The following PCDHGA11 variants were observed in gnomAD, a reference collection of about 807,000 sequenced individuals.
PCDHGA11 encodes protocadherin gamma-A11.
A neutral mutation model predicts 60.4 loss-of-function variants in PCDHGA11; 39 were observed. The ratio of observed to expected loss-of-function variants is 0.65; its 90% CI spans 0.50 to 0.84. The LOEUF (loss-of-function observed/expected upper bound fraction) is 0.84, where lower values mean the gene tolerates loss of function less well. PCDHGA11 is among the 40% of genes least tolerant of loss of function. The pLI, the probability that PCDHGA11 is intolerant of heterozygous loss-of-function variation, is 0.00. For synonymous variants in PCDHGA11, 533 were observed against 510.3 expected (o/e 1.04, Z -0.60); for missense variants, 1,165 against 1,197.7 (o/e 0.97, Z 0.40).
chr5:141,460,741 A>C (rs1378900827), intron 1 of PCDHGA11, among the ~76,000 whole-genome samples: 1 of 152,128 alleles, frequency 6.6e-6, no homozygotes, highest in African/African-American at 2.4e-5. Flanking sequence ...CACATTGTAT[A>C]TATATGTGTA....
At chr5:141,430,573 A>T (rs938248057) in intron 1 of PCDHGA11, 2 of 449,056 alleles carry the variant, frequency 4.5e-6, no homozygotes, top group Non-Finnish European at 7.6e-6. Flanking sequence ...AGAAAAGCGG[A>T]GATCCTGCTC....
chr5:141,475,547 G>A (rs2099364977), intron 1 of PCDHGA11, among the ~76,000 whole-genome samples: 1 of 152,176 alleles, frequency 6.6e-6, no homozygotes, highest in Non-Finnish European at 1.5e-5. Context: ...AGTAGGGTCC[G>A]GCTAATTGTC....
Position 141,505,409 on chromosome 5 carries a change from G to T in PCDHGA11, c.2509G>T (p.Asp837Tyr). The change falls in exon 3 of 4, where the codon GAC (aspartate) becomes TAC (tyrosine). Residue 837 changes from aspartate to tyrosine, a missense_variant. Asp to Tyr is a radical substitution (Grantham distance 160). Transcript: ENST00000398587. ...PGTSGSQNGD[D>Y]TGTWPNNQFD... Reference sequence around the variant, plus strand: ...TCTCCCCAGCTCCCAAAATGGCGATGACACCGGCACCTGGCCCAACAACCA... The same window carrying T: ...TCTCCCCAGCTCCCAAAATGGCGATTACACCGGCACCTGGCCCAACAACCA... 6.2e-7 allele frequency: 1 copy of T among 1,614,200 alleles called. No individual in the cohort carries two copies. Among genetic ancestry groups the T allele is most frequent in the Non-Finnish European group, 8.5e-7 (1 of 1,180,048 alleles).
chr5:141,468,419 G>A (rs1733006381), intron 1 of PCDHGA11: 1 of 151,826 alleles, frequency 6.6e-6, no homozygotes, highest in Admixed American at 6.6e-5. Flanking sequence ...AAGTTAGATA[G>A]CAAGGTAATA....
chr5:141,426,970 A>G (rs772659046), intron 1 of PCDHGA11: 1 of 456,742 alleles, frequency 2.2e-6, no homozygotes. Context: ...ATTCAAATTG[A>G]GGTCACTGAT....
chr5:141,509,132 G>A (rs1261849657), intron 3 of PCDHGA11, among the ~76,000 whole-genome samples: 1 of 152,150 alleles, frequency 6.6e-6, no homozygotes, highest in Admixed American at 6.5e-5. Flanking sequence ...GAGAAAAACC[G>A]AGGCGCATCC....
chr5:141,503,045 G>A (rs543484478), intron 2 of PCDHGA11, among the ~76,000 whole-genome samples: 1 of 151,702 alleles, frequency 6.6e-6, no homozygotes, highest in South Asian at 2.1e-4. Context: ...AGTTGAGACA[G>A]GGTTTCACCA....
Position 141,423,090 on chromosome 5 carries a change from G to GT in PCDHGA11, c.1863_1864insT (p.Glu622Ter), listed in dbSNP as rs2096707772. 2.5e-6 allele frequency: 4 copies of GT among 1,613,904 alleles called. No homozygotes were observed. Among genetic ancestry groups the GT allele is most frequent in the African/African-American group, 2.7e-5 (2 of 74,952 alleles). On this transcript the variant is annotated frameshift_variant, in exon 1 of 4. Transcript: ENST00000398587. LOFTEE classifies it high-confidence loss of function. The stretch of plus-strand genomic sequence containing the variant: ...GCGAGCCGGGACTCTTCGCGGTGGG[G>GT]GAGCACACGGGCGAGGTGCGTACAG...
At chr5:141,499,625 C>A (rs1238895570) in intron 2 of PCDHGA11, among the ~76,000 whole-genome samples, 1 of 149,832 alleles carries the variant, frequency 6.7e-6, no homozygotes, top group East Asian at 2.0e-4. Flanking sequence ...TCCTTGGATT[C>A]TTTTGAAGCA....
At chr5:141,488,083 C>T (rs917074240) in intron 1 of PCDHGA11, among the ~76,000 whole-genome samples, 1 of 152,152 alleles carries the variant, frequency 6.6e-6, no homozygotes, top group African/African-American at 2.4e-5. Context: ...GTATCTAGTA[C>T]ACTGTGAAGG....
intron 1 of PCDHGA11, among the ~76,000 whole-genome samples, chr5:141,468,788 C>T (rs2099179417): frequency 6.6e-6 from 1 of 151,926 alleles, no homozygotes; most frequent in Admixed American, 6.6e-5. Context: ...ATGGCGTGAA[C>T]CCGGGAGGCG....
intron 1 of PCDHGA11, chr5:141,428,368 C>A (rs1403173774): frequency 1.3e-5 from 7 of 544,884 alleles, no homozygotes; most frequent in Non-Finnish European, 2.4e-5. Flanking sequence ...GGTCGCCTTG[C>A]ACCTGCGATG....
At position 141,477,210 on chromosome 5, in the gene PCDHGA11, C is replaced by A. The variant is rs780852225; in HGVS notation, c.2434-17597C>A. On this transcript the variant is annotated intron_variant, in intron 1 of 3. Transcript: ENST00000398587. This position sits in a 1 kb window ranked among gnomAD's most constrained non-coding sequence, Gnocchi z 4.9. ...GTGTACAGCCCAGTACCCGAGGATG[C>A]CCCTCTGGGGACTGTCATCGCTTTG... The A allele has an allele frequency of 6.2e-7, 1 of 1,614,142 alleles. No homozygotes were observed. The highest frequency in any genetic ancestry group is 8.5e-7 in the Non-Finnish European group (1 of 1,180,030).
chr5:141,428,120 C>G (rs756805763), intron 1 of PCDHGA11: 2 of 1,606,528 alleles, frequency 1.2e-6, no homozygotes, highest in South Asian at 1.1e-5. Context: ...CCATCGAGCC[C>G]GGGCTTTTCA....
chr5:141,481,509 T>C (rs2154578624), intron 1 of PCDHGA11, among the ~76,000 whole-genome samples: 2 of 152,326 alleles, frequency 1.3e-5, no homozygotes, highest in Middle Eastern at 3.4e-3. Context: ...GTATGTGAAT[T>C]ATGTCTCAGT....
chr5:141,485,867 G>A lies in PCDHGA11; in HGVS notation c.2434-8940G>A. On this transcript the variant is annotated intron_variant, in intron 1 of 3. Coordinates refer to ENST00000398587, the MANE Select transcript of PCDHGA11 (RefSeq NM_018914.3). The surrounding 1 kb of genome is among the most constrained non-coding windows in gnomAD (Gnocchi z 5.7). ...TGGCACCGCAGAGCTCCGGGTATCC[G>A]TGCTGGACGTAAACGACAACGCCCC... The A allele has an allele frequency of 1.9e-6, 3 of 1,614,164 alleles. No homozygotes were observed. Among genetic ancestry groups the A allele is most frequent in the Non-Finnish European group, 8.5e-7 (1 of 1,180,040 alleles).
rs750804901 is a variant in PCDHGA11 at position 141,476,422 on chromosome 5, C to G, written c.2434-18385C>G. On this transcript the variant is annotated intron_variant, in intron 1 of 3. Coordinates refer to ENST00000398587, the MANE Select transcript of PCDHGA11 (RefSeq NM_018914.3). The surrounding 1 kb of genome is among the most constrained non-coding windows in gnomAD (Gnocchi z 7.6). ...GAGAGGAGCTGTGTGGGACACTGCC[C>G]TCTTGCACTGTAACTCTGGAGTTGG... 17 of 1,614,026 alleles carry G rather than the reference C, an allele frequency of 1.1e-5. No individual in the cohort carries two copies. The highest frequency in any genetic ancestry group is 1.4e-5 in the Non-Finnish European group (17 of 1,180,030).
At chr5:141,498,264 C>A (rs1272117057) in intron 2 of PCDHGA11, among the ~76,000 whole-genome samples, 2 of 152,016 alleles carry the variant, frequency 1.3e-5, no homozygotes, top group Admixed American at 1.3e-4. Context: ...GTGTTGAGTT[C>A]TTCAGTAAAC....
chr5:141,510,015 A>G (rs2099879210), intron 3 of PCDHGA11, among the ~76,000 whole-genome samples: 1 of 152,210 alleles, frequency 6.6e-6, no homozygotes, highest in Non-Finnish European at 1.5e-5. Flanking sequence ...GTCATACCAC[A>G]TAGCTGGCTG....
Sources: gnomAD v4.1 joint callset for allele counts (sites outside exome capture counted in the v4.1 genomes callset) on GRCh38, gnomAD v4.1.1 for gene constraint, Gnocchi (gnomAD v3.1) non-coding constraint, MANE v1.5 for transcripts, NCBI Gene and HGNC (gene_info 2026-07-23, HGNC 2026-07-21) for gene names.